The following FKBP1A variants were observed in gnomAD, a reference collection of about 807,000 sequenced individuals.
The protein encoded by FKBP1A is FKBP prolyl isomerase 1A.
A neutral mutation model predicts 14.2 loss-of-function variants in FKBP1A; 5 were observed. That is an observed-to-expected ratio of 0.35 (90% CI 0.18 to 0.74). The LOEUF (loss-of-function observed/expected upper bound fraction) is 0.74. Ranked by LOEUF, FKBP1A falls within the 30% of genes least tolerant of loss-of-function variation. The pLI is 0.56. For missense variants in FKBP1A, 53 were observed against 138.8 expected, an observed-to-expected ratio of 0.38 and a Z score of 3.10; for synonymous variants, 42 against 49.1, an observed-to-expected ratio of 0.86 and a Z score of 0.60.
In FKBP1A at chr20:1,372,103, C is replaced by T; in HGVS notation, c.*9G>A. On this transcript the variant is annotated 3_prime_UTR_variant, in exon 4 of 5. Transcript: ENST00000400137. ...AAGAACAGGGAGCTAAGGGAGGAGG[C>T]CATTCCTGTCATTCCAGTTTTAGAA... The T allele has an allele frequency of 1.9e-6, 3 of 1,613,298 alleles. No individual in the cohort carries two copies. Among genetic ancestry groups the T allele is most frequent in the East Asian group, 4.5e-5 (2 of 44,866 alleles).
intron 2 of FKBP1A, among the ~76,000 whole-genome samples, chr20:1,381,874 C>G (rs1013115844): frequency 1.4e-4 from 21 of 152,226 alleles, no homozygotes; most frequent in African/African-American, 5.1e-4. Flanking sequence ...TGCAACAAAT[C>G]TACACTGACA....
intron 2 of FKBP1A, among the ~76,000 whole-genome samples, chr20:1,387,235 C>G (rs935518474): frequency 2.2e-4 from 34 of 151,930 alleles, no homozygotes; most frequent in African/African-American, 8.0e-4. Context: ...AAAAAAAGGT[C>G]ATGGACCCCA....
intron 2 of FKBP1A, among the ~76,000 whole-genome samples, chr20:1,390,143 G>C (rs1422840351): frequency 6.6e-6 from 1 of 152,144 alleles, no homozygotes; most frequent in African/African-American, 2.4e-5. Context: ...ACCTGTGATG[G>C]CTAAGGGGAG....
Position 1,370,997 on chromosome 20 carries a change from G to C in FKBP1A, c.*37-925C>G. ...CCAAGGTGTGTGTGGTTCAAACAGA[G>C]AGTTTAAAAAGCCCCTCCACTTACA... On this transcript the variant is annotated intron_variant, in intron 4 of 4. Coordinates refer to ENST00000400137, the MANE Select transcript of FKBP1A (RefSeq NM_000801.5). 3.0e-6 allele frequency: 3 copies of C among 985,418 alleles called. 1 individual carries two copies. The highest frequency in any genetic ancestry group is 9.4e-5 in the South Asian group (2 of 21,294). 61.0% of individuals were successfully genotyped at this position (985,418 alleles called of 1,614,324 possible). A position where few individuals can be genotyped will look rare whatever the true frequency, so the allele number is the denominator to read the frequency against.
chr20:1,388,385 C>G (rs1023082899), intron 2 of FKBP1A, among the ~76,000 whole-genome samples: 5 of 152,156 alleles, frequency 3.3e-5, no homozygotes, highest in African/African-American at 9.7e-5. Flanking sequence ...ATAACAACTG[C>G]GATGAGTGAG....
At chr20:1,377,935 G>A (rs146225018) in intron 2 of FKBP1A, 1 of 152,386 alleles carries the variant, frequency 6.6e-6, no homozygotes, top group Non-Finnish European at 1.5e-5. Flanking sequence ...AAGCAAGGCT[G>A]TGTGGCACCC....
chr20:1,382,073 A>G (rs1014285219), intron 2 of FKBP1A, among the ~76,000 whole-genome samples: 24 of 152,232 alleles, frequency 1.6e-4, no homozygotes, highest in Non-Finnish European at 2.4e-4. Flanking sequence ...CTAAAATGCT[A>G]TATATGTTTA....
rs34991787 is a variant in FKBP1A, at chr20:1,383,684, T to TAAAAA, written c.86-8086_86-8082dup. On this transcript the variant is annotated intron_variant, in intron 2 of 4. Coordinates refer to ENST00000400137, the MANE Select transcript of FKBP1A (RefSeq NM_000801.5). Reference sequence around the variant, plus strand: ...CCCCAATCCTGTTTCTGCAAAAAATTAAAAAAAAAAAAAAAAAAATTTAGC... The same window carrying TAAAAA: ...CCCCAATCCTGTTTCTGCAAAAAATTAAAAAAAAAAAAAAAAAAAAAAAATTTAGC... Among the ~76,000 whole-genome samples the TAAAAA allele has an allele frequency of 3.8e-3, 473 of 125,254 alleles. 4 individuals are homozygous for TAAAAA. The highest frequency in any genetic ancestry group is 0.014 in the African/African-American group (451 of 31,702). The allele number at this position is 125,254 out of a possible 152,430, so 82.2% of individuals were successfully genotyped here.
At chr20:1,392,020 T>TG (rs2089743644) in intron 2 of FKBP1A, among the ~76,000 whole-genome samples, 1 of 152,032 alleles carries the variant, frequency 6.6e-6, no homozygotes, top group African/African-American at 2.4e-5. Flanking sequence ...GAATTCTGGC[T>TG]GGGGAGGGGG....
intron 2 of FKBP1A, 132 bp from the exon 3 acceptor site, chr20:1,375,735 T>C: frequency 1.4e-6 from 1 of 697,768 alleles, no homozygotes; most frequent in Non-Finnish European, 2.6e-6. Context: ...TAGGGAGGGT[T>C]TCCTGTGACC....
chr20:1,378,102 A>C (rs1376525168), intron 2 of FKBP1A: 1 of 152,208 alleles, frequency 6.6e-6, no homozygotes, highest in Non-Finnish European at 1.5e-5. Flanking sequence ...CTTCCAGGAA[A>C]GTCCCACCTC....
intron 2 of FKBP1A, among the ~76,000 whole-genome samples, chr20:1,390,045 G>C (rs1020926931): frequency 6.6e-6 from 1 of 152,222 alleles, no homozygotes; most frequent in Non-Finnish European, 1.5e-5. Flanking sequence ...GTCACCAGAG[G>C]GACCCTTGAG....
chr20:1,391,731 A>T, intron 2 of FKBP1A: 1 of 345,508 alleles, frequency 2.9e-6, no homozygotes, highest in Non-Finnish European at 5.1e-6. Context: ...CCTACTACCC[A>T]GGAGGAGGAA....
rs1263424976 is a variant in FKBP1A at position 1,392,998 on chromosome 20, TGGC to T, written c.-3_-1del. On this transcript the variant is annotated 5_prime_UTR_variant, in exon 1 of 5. Coordinates refer to ENST00000400137, the MANE Select transcript of FKBP1A (RefSeq NM_000801.5). ...GAGATGGTTTCCACCTGCACTCCCA[TGGC>T]GGCGGCGGACGCTGAGCGGGCGGGC... 2 of 1,470,798 alleles carry T rather than the reference TGGC, an allele frequency of 1.4e-6. No homozygotes were observed. Among genetic ancestry groups the T allele is most frequent in the African/African-American group, 1.5e-5 (1 of 66,858 alleles). 91.1% of individuals were successfully genotyped at this position (1,470,798 alleles called of 1,614,324 possible). A position where few individuals can be genotyped will look rare whatever the true frequency, so the allele number is the denominator to read the frequency against.
At chr20:1,387,036 C>T (rs2089675491) in intron 2 of FKBP1A, among the ~76,000 whole-genome samples, 1 of 152,184 alleles carries the variant, frequency 6.6e-6, no homozygotes, top group South Asian at 2.1e-4. Flanking sequence ...CCATGGGAAA[C>T]AGCAGGTGAC....
chr20:1,382,872 A>T (rs1268407496), intron 2 of FKBP1A, among the ~76,000 whole-genome samples: 1 of 152,224 alleles, frequency 6.6e-6, no homozygotes, highest in Non-Finnish European at 1.5e-5. Flanking sequence ...GAAAGGGAGC[A>T]AAAGGGTTTA....
chr20:1,375,425 G>T (rs2089527421), intron 3 of FKBP1A, 66 bp downstream of exon 3: 3 of 1,148,888 alleles, frequency 2.6e-6, no homozygotes, highest in Non-Finnish European at 1.3e-6. Flanking sequence ...GTATAAATAT[G>T]CCACCTATAA....
chr20:1,372,339 G>A (rs2089477169), intron 3 of FKBP1A, 99 bp from the exon 4 acceptor site: 3 of 1,316,554 alleles, frequency 2.3e-6, no homozygotes, highest in Admixed American at 2.0e-5. Flanking sequence ...TGGCCAGGAT[G>A]GTATTGACTT....
intron 4 of FKBP1A, chr20:1,371,228 AACACTT>A (rs1181413281): frequency 1.0e-6 from 1 of 984,432 alleles, no homozygotes; most frequent in Non-Finnish European, 1.2e-6. Context: ...TAATGATTCT[AACACTT>A]ACATGAAAAG....
Sources: allele counts gnomAD v4.1 joint callset (sites outside exome capture counted in the v4.1 genomes callset), GRCh38; gene constraint gnomAD v4.1.1; transcripts MANE v1.5; gene names NCBI Gene and HGNC (gene_info 2026-07-23, HGNC 2026-07-21).